Variants in LDHAL6B observed in about 807,000 individuals in gnomAD.
LDHAL6B encodes L-lactate dehydrogenase A-like 6B.
For synonymous variants in LDHAL6B, 205 were observed against 170.6 expected (o/e 1.20, Z -1.57); for missense variants, 523 against 473.9 (o/e 1.10, Z -0.96).
rs777355881 is a variant in LDHAL6B, at chr15:59,207,574, T to G, written c.634T>G (p.Cys212Gly). The G allele has an allele frequency of 1.2e-6, 2 of 1,614,152 alleles. No individual in the cohort carries two copies. The highest frequency in any genetic ancestry group is 1.7e-6 in the Non-Finnish European group (2 of 1,179,992). The stretch of plus-strand genomic sequence containing the variant: ...CAAAAACCGTATTATTGGAAGCGGC[T>G]GTAATCTGGATACTGCTCGTTTTCG... ...FPKNRIIGSG[C>G]NLDTARFRFL... is the part of the protein sequence containing the mutation. Residue 212 changes from cysteine to glycine, a missense_variant, in exon 1 of 1, where the codon TGT (cysteine) becomes GGT (glycine). Physicochemically the swap from Cys to Gly is radical, Grantham distance 159. Coordinates refer to ENST00000307144, the MANE Select transcript of LDHAL6B (RefSeq NM_033195.3).
In LDHAL6B at chr15:59,207,730, A is replaced by G; in HGVS notation, c.790A>G (p.Asn264Asp). ...AGCTGGTGTCCCTTTGAAGGATCTG[A>G]ACTCTGATATAGGAACTGATAAAGA... is the stretch of plus-strand genomic sequence containing the variant. ...NIAGVPLKDLNSDIGTDKDPE... is the reference protein window; with the variant it reads ...NIAGVPLKDLDSDIGTDKDPE... Residue 264 changes from asparagine to aspartate, a missense_variant, in exon 1 of 1, where the codon AAC becomes GAC. Transcript: ENST00000307144. 6.2e-7 allele frequency: 1 copy of G among 1,614,196 alleles called. No homozygotes were observed. Among genetic ancestry groups the G allele is most frequent in the African/African-American group, 1.3e-5 (1 of 75,048 alleles).
Position 59,206,895 on chromosome 15 carries a change from A to G in LDHAL6B, c.-46A>G. ...CTCTTGGCGTCTCAACGTTCGGATC[A>G]GCAGCTTTTTTCCATTCTCTCTCTC... On this transcript the variant is annotated 5_prime_UTR_variant, in exon 1 of 1. Coordinates refer to ENST00000307144, the MANE Select transcript of LDHAL6B (RefSeq NM_033195.3). The G allele has an allele frequency of 6.4e-7, 1 of 1,572,026 alleles. No homozygotes were observed. Among genetic ancestry groups the G allele is most frequent in the Non-Finnish European group, 8.6e-7 (1 of 1,157,488 alleles).
chr15:59,206,930 A>G lies in LDHAL6B; in HGVS notation c.-11A>G, dbSNP rs373872321. 4.4e-6 allele frequency: 7 copies of G among 1,604,454 alleles called. No homozygotes were observed. The highest frequency in any genetic ancestry group is 6.0e-6 in the Non-Finnish European group (7 of 1,174,104). ...TTCCATTCTCTCTCTCCACTTCTTCAGTGAGCAGCCATGAGTTGGACTGTG... is the reference window on the plus strand; with the variant it reads ...TTCCATTCTCTCTCTCCACTTCTTCGGTGAGCAGCCATGAGTTGGACTGTG... On this transcript the variant is annotated 5_prime_UTR_variant, in exon 1 of 1. Transcript: ENST00000307144.
chr15:59,207,191 G>C lies in LDHAL6B; in HGVS notation c.251G>C (p.Cys84Ser), dbSNP rs763817325. The C allele has an allele frequency of 6.2e-7, 1 of 1,614,214 alleles. No homozygotes were observed. The highest frequency in any genetic ancestry group is 1.7e-5 in the Admixed American group (1 of 60,032). ...GGAACTGGATCGGTGGGCATGGCCTGCGCTATCAGCATCTTATTAAAAGGC... is the reference window on the plus strand; with the variant it reads ...GGAACTGGATCGGTGGGCATGGCCTCCGCTATCAGCATCTTATTAAAAGGC... ...IIGTGSVGMA[C>S]AISILLKGLS... Residue 84 changes from cysteine (C) to serine (S), a missense_variant, in exon 1 of 1, where the codon TGC becomes TCC. Transcript: ENST00000307144.
rs748401688 is a variant in LDHAL6B, at chr15:59,207,692, G to C, written c.752G>C (p.Ser251Thr). The change falls in exon 1 of 1, where the codon AGT (serine) becomes ACT (threonine). Residue 251 changes from serine to threonine, a missense_variant. Ser to Thr is a moderately conservative substitution (Grantham distance 58). Coordinates refer to ENST00000307144, the MANE Select transcript of LDHAL6B (RefSeq NM_033195.3). ...EHGDSSVPVW[S>T]GVNIAGVPLK... Reference sequence around the variant, plus strand: ...GGAGACTCAAGTGTTCCTGTGTGGAGTGGAGTGAACATAGCTGGTGTCCCT... The same window carrying C: ...GGAGACTCAAGTGTTCCTGTGTGGACTGGAGTGAACATAGCTGGTGTCCCT... 1 of 1,614,064 alleles carries C rather than the reference G, an allele frequency of 6.2e-7. No individual in the cohort carries two copies. Among genetic ancestry groups the C allele is most frequent in the African/African-American group, 1.3e-5 (1 of 74,922 alleles).
Position 59,207,444 on chromosome 15 carries a change from A to T in LDHAL6B, c.504A>T (p.Leu168Phe). 1 of 1,614,018 alleles carries T rather than the reference A, an allele frequency of 6.2e-7. No individual in the cohort carries two copies. Among genetic ancestry groups the T allele is most frequent in the Non-Finnish European group, 8.5e-7 (1 of 1,179,894 alleles). Residue 168 changes from leucine to phenylalanine, a missense_variant, in exon 1 of 1, where the codon TTA becomes TTT. By Grantham distance (22) the Leu-to-Phe change is conservative (BLOSUM62 0). Coordinates refer to ENST00000307144, the MANE Select transcript of LDHAL6B (RefSeq NM_033195.3). ...AGCGAAATGTGGCCATCTTCAAGTT[A>T]ATGATTTCCAGTATTGTCCAGTACA... ...LVQRNVAIFK[L>F]MISSIVQYSP... is the part of the protein sequence containing the mutation.
At position 59,207,747 on chromosome 15, in the gene LDHAL6B, T is replaced by C. The variant is rs61754904; in HGVS notation, c.807T>C (p.Thr269=). The C allele has an allele frequency of 1.2e-6, 2 of 1,614,038 alleles. No individual in the cohort carries two copies. Among genetic ancestry groups the C allele is most frequent in the Non-Finnish European group, 1.7e-6 (2 of 1,180,016 alleles). ...AGGATCTGAACTCTGATATAGGAAC[T>C]GATAAAGATCCTGAGCAATGGAAAA... The part of the protein sequence containing the change: ...PLKDLNSDIG[T]DKDPEQWKNV... Residue 269 remains threonine, a synonymous_variant, in exon 1 of 1, where the codon ACT becomes ACC. Coordinates refer to ENST00000307144, the MANE Select transcript of LDHAL6B (RefSeq NM_033195.3).
rs1157455753 is a variant in LDHAL6B at position 59,208,008 on chromosome 15, G to T, written c.1068G>T (p.Lys356Asn). Residue 356 changes from lysine to asparagine, a missense_variant, in exon 1 of 1, where the codon AAG becomes AAT. Coordinates refer to ENST00000307144, the MANE Select transcript of LDHAL6B (RefSeq NM_033195.3). ...GTATTACCAACCTTATAAAGATAAA[G>T]CTGACCCCTGAAGAAGAGGCCCATC... ...ENGITNLIKI[K>N]LTPEEEAHLK... 6.2e-7 allele frequency: 1 copy of T among 1,610,870 alleles called. No homozygotes were observed. The highest frequency in any genetic ancestry group is 8.5e-7 in the Non-Finnish European group (1 of 1,179,300).
rs201500040 is a variant in LDHAL6B at position 59,207,249 on chromosome 15, T to C, written c.309T>C (p.Asp103=). 150 of 1,614,196 alleles carry C rather than the reference T, an allele frequency of 9.3e-5. No homozygotes were observed. The highest frequency in any genetic ancestry group is 6.3e-4 in the Admixed American group (38 of 60,032). ...ATGAACTTGCCCTTGTGGATCTTGA[T>C]GAAGACAAACTGAAGGGTGAGACGA... ...LSDELALVDL[D]EDKLKGETMD... Residue 103 remains aspartate (D), a synonymous_variant, in exon 1 of 1, where the codon GAT becomes GAC. Coordinates refer to ENST00000307144, the MANE Select transcript of LDHAL6B (RefSeq NM_033195.3).
Position 59,207,215 on chromosome 15 carries a change from G to T in LDHAL6B, c.275G>T (p.Gly92Val), listed in dbSNP as rs1332595290. The T allele has an allele frequency of 3.1e-6, 5 of 1,614,120 alleles. No homozygotes were observed. In the African/African-American group the frequency reaches 6.7e-5, roughly 22 times the overall value. The change falls in exon 1 of 1, where the codon GGC becomes GTC. Residue 92 changes from glycine (G) to valine (V), a missense_variant. Physicochemically the swap from Gly to Val is moderately radical, Grantham distance 109. Transcript: ENST00000307144. The stretch of plus-strand genomic sequence containing the variant: ...TGCGCTATCAGCATCTTATTAAAAG[G>T]CTTGAGTGATGAACTTGCCCTTGTG... ...MACAISILLK[G>V]LSDELALVDL... is the part of the protein sequence containing the mutation.
chr15:59,207,567 A>G lies in LDHAL6B; in HGVS notation c.627A>G (p.Gly209=). 1 of 1,614,150 alleles carries G rather than the reference A, an allele frequency of 6.2e-7. No homozygotes were observed. Among genetic ancestry groups the G allele is most frequent in the South Asian group, 1.1e-5 (1 of 91,082 alleles). ...LSAFPKNRII[G]SGCNLDTARF... Reference sequence around the variant, plus strand: ...CATTTCCCAAAAACCGTATTATTGGAAGCGGCTGTAATCTGGATACTGCTC... The same window carrying G: ...CATTTCCCAAAAACCGTATTATTGGGAGCGGCTGTAATCTGGATACTGCTC... The change falls in exon 1 of 1, where the codon GGA becomes GGG. Residue 209 remains glycine (G), a synonymous_variant. Transcript: ENST00000307144.
At position 59,207,568 on chromosome 15, in the gene LDHAL6B, A is replaced by G. The variant is rs2079846604; in HGVS notation, c.628A>G (p.Ser210Gly). The G allele has an allele frequency of 6.2e-7, 1 of 1,614,126 alleles. No homozygotes were observed. The highest frequency in any genetic ancestry group is 1.3e-5 in the African/African-American group (1 of 75,040). Residue 210 changes from serine (S) to glycine (G), a missense_variant, in exon 1 of 1, where the codon AGC (serine) becomes GGC (glycine). By Grantham distance (56) the Ser-to-Gly change is moderately conservative (BLOSUM62 0). Transcript: ENST00000307144. ...ATTTCCCAAAAACCGTATTATTGGA[A>G]GCGGCTGTAATCTGGATACTGCTCG... Reference protein sequence around the residue: ...SAFPKNRIIGSGCNLDTARFR... With the variant: ...SAFPKNRIIGGGCNLDTARFR...
chr15:59,208,553 G>A lies in LDHAL6B; in HGVS notation c.*467G>A. The A allele has an allele frequency of 3.4e-6, 4 of 1,181,712 alleles. No homozygotes were observed. The highest frequency in any genetic ancestry group is 5.0e-6 in the Non-Finnish European group (4 of 795,308). The allele number at this position is 1,181,712 out of a possible 1,614,324, so 73.2% of individuals were successfully genotyped here. On this transcript the variant is annotated 3_prime_UTR_variant, in exon 1 of 1. Coordinates refer to ENST00000307144, the MANE Select transcript of LDHAL6B (RefSeq NM_033195.3). ...TACAATCTTTTGTTTTGCTTCCTTT[G>A]ATAGTTAATAAATTCCGTTTGTTGA...
Position 59,208,548 on chromosome 15 carries a change from CCTTT to C in LDHAL6B, c.*463_*466del. On this transcript the variant is annotated 3_prime_UTR_variant, in exon 1 of 1. Transcript: ENST00000307144. ...GTATATACAATCTTTTGTTTTGCTT[CCTTT>C]GATAGTTAATAAATTCCGTTTGTTG... The C allele has an allele frequency of 3.5e-6, 4 of 1,139,370 alleles. No individual in the cohort carries two copies. The South Asian group carries it at 3.8e-5, about 11-fold the overall frequency. The allele number at this position is 1,139,370 out of a possible 1,614,324, so 70.6% of individuals were successfully genotyped here.
rs1413685650 is a variant in LDHAL6B, at chr15:59,207,655, C to T, written c.715C>T (p.Leu239Phe). ...TTCTGAAAGCTGCCATGGATGGATCCTCGGAGAGCATGGAGACTCAAGTGT... is the reference window on the plus strand; with the variant it reads ...TTCTGAAAGCTGCCATGGATGGATCTTCGGAGAGCATGGAGACTCAAGTGT... Reference protein sequence around the residue: ...IHSESCHGWILGEHGDSSVPV... With the variant: ...IHSESCHGWIFGEHGDSSVPV... The change falls in exon 1 of 1, where the codon CTC becomes TTC. Residue 239 changes from leucine to phenylalanine, a missense_variant. Transcript: ENST00000307144. 3 of 1,614,004 alleles carry T rather than the reference C, an allele frequency of 1.9e-6. No individual in the cohort carries two copies. Among genetic ancestry groups the T allele is most frequent in the Non-Finnish European group, 2.5e-6 (3 of 1,180,020 alleles).
At position 59,207,766 on chromosome 15, in the gene LDHAL6B, T is replaced by G; in HGVS notation, c.826T>G (p.Trp276Gly). The G allele has an allele frequency of 6.2e-7, 1 of 1,614,148 alleles. No individual in the cohort carries two copies. ...AGGAACTGATAAAGATCCTGAGCAA[T>G]GGAAAAATGTCCACAAAGAAGTGAC... ...DIGTDKDPEQWKNVHKEVTAT... is the reference protein window; with the variant it reads ...DIGTDKDPEQGKNVHKEVTAT... The change falls in exon 1 of 1, where the codon TGG becomes GGG. Residue 276 changes from tryptophan to glycine, a missense_variant. Transcript: ENST00000307144.
Position 59,207,043 on chromosome 15 carries a change from C to A in LDHAL6B, c.103C>A (p.Arg35Ser). The A allele has an allele frequency of 6.2e-7, 1 of 1,614,240 alleles. No individual in the cohort carries two copies. Among genetic ancestry groups the A allele is most frequent in the Non-Finnish European group, 8.5e-7 (1 of 1,180,032 alleles). Residue 35 changes from arginine to serine, a missense_variant, in exon 1 of 1, where the codon CGC (arginine) becomes AGC (serine). Coordinates refer to ENST00000307144, the MANE Select transcript of LDHAL6B (RefSeq NM_033195.3). ...GMALCPRQAT[R>S]IPLNGTWLFT... is the part of the protein sequence containing the mutation. ...GGCCCTGTGTCCGCGTCAAGCAACG[C>A]GCATCCCGCTCAACGGCACCTGGCT...
chr15:59,208,121 G>A lies in LDHAL6B; in HGVS notation c.*35G>A. 6.6e-7 allele frequency: 1 copy of A among 1,521,028 alleles called. No individual in the cohort carries two copies. Among genetic ancestry groups the A allele is most frequent in the Non-Finnish European group, 8.8e-7 (1 of 1,135,770 alleles). 94.2% of individuals were successfully genotyped at this position (1,521,028 alleles called of 1,614,324 possible). A position where few individuals can be genotyped will look rare whatever the true frequency, so the allele number is the denominator to read the frequency against. ...AAACTACCATTCCGAAATTATTGAA[G>A]AGATCATAGATACAGGATTATATAA... is the stretch of plus-strand genomic sequence containing the variant. On this transcript the variant is annotated 3_prime_UTR_variant, in exon 1 of 1. Coordinates refer to ENST00000307144, the MANE Select transcript of LDHAL6B (RefSeq NM_033195.3).
At position 59,208,393 on chromosome 15, in the gene LDHAL6B, CT is replaced by C; in HGVS notation, c.*308del. ...ATTTATTGTGTTCTAGAAATTCCGA[CT>C]CTTTTCATTAGATATATGCTATTTC... On this transcript the variant is annotated 3_prime_UTR_variant, in exon 1 of 1. Transcript: ENST00000307144. The C allele has an allele frequency of 8.9e-6, 5 of 560,638 alleles. No individual in the cohort carries two copies. The South Asian group carries it at 1.1e-4, about 13-fold the overall frequency. The allele number at this position is 560,638 out of a possible 1,614,324, so 34.7% of individuals were successfully genotyped here.
Sources: gnomAD v4.1 joint callset for allele counts on GRCh38, gnomAD v4.1.1 for gene constraint, MANE v1.5 for transcripts, NCBI Gene and HGNC (gene_info 2026-07-23, HGNC 2026-07-21) for gene names.